Variants in LDAH observed in about 807,000 individuals in gnomAD.
LDAH encodes the protein lipid droplet-associated hydrolase.
Under a neutral mutation model 29.6 loss-of-function variants are expected in LDAH, and 26 were observed. The ratio of observed to expected loss-of-function variants is 0.88; its 90% confidence interval spans 0.64 to 1.22. The LOEUF (loss-of-function observed/expected upper bound fraction) is 1.22, where lower values mean the gene tolerates loss of function less well. Ranked by LOEUF, LDAH falls within the 50% of genes most tolerant of loss-of-function variation. The pLI, the probability that LDAH is intolerant of heterozygous loss-of-function variation, is 0.00. For missense variants in LDAH, 344 were observed against 387.3 expected, an observed-to-expected ratio of 0.89 and a Z score of 0.94; for synonymous variants, 117 against 133.0, an observed-to-expected ratio of 0.88 and a Z score of 0.83.
intron 3 of LDAH, among the ~76,000 whole-genome samples, chr2:20,780,446 T>C (rs867435727): frequency 1.3e-5 from 2 of 152,094 alleles, no homozygotes; most frequent in Non-Finnish European, 2.9e-5. Flanking sequence ...TTACTTTTTA[T>C]TGTAAAGTGA....
chr2:20,814,229 T>A (rs1168175764), intron 1 of LDAH, among the ~76,000 whole-genome samples: 1 of 132,328 alleles, frequency 7.6e-6, no homozygotes, highest in African/African-American at 2.7e-5. Context: ...AGTCTGACAA[T>A]GGGGGGGGGG....
intron 4 of LDAH, among the ~76,000 whole-genome samples, chr2:20,743,239 C>G (rs1388665070): frequency 6.7e-6 from 1 of 149,124 alleles, no homozygotes; most frequent in Non-Finnish European, 1.5e-5. Context: ...GTCAGTTATA[C>G]TTAAAAAAAA....
chr2:20,815,783 C>T (rs1350876390), intron 1 of LDAH, among the ~76,000 whole-genome samples: 1 of 151,890 alleles, frequency 6.6e-6, no homozygotes, highest in African/African-American at 2.4e-5. Context: ...AAAAGTTCCT[C>T]AAACAAAAAG....
intron 5 of LDAH, among the ~76,000 whole-genome samples, chr2:20,728,852 A>T (rs1666204508): frequency 6.6e-6 from 1 of 152,208 alleles, no homozygotes; most frequent in African/African-American, 2.4e-5. Flanking sequence ...AGTAGTAGTT[A>T]TTTGGCTATC....
chr2:20,726,021 C>T (rs914038354), intron 5 of LDAH, among the ~76,000 whole-genome samples: 1 of 152,178 alleles, frequency 6.6e-6, no homozygotes, highest in Non-Finnish European at 1.5e-5. Context: ...AAAATAGATC[C>T]CTATCTGTTT....
Position 20,684,245 on chromosome 2 carries a change from G to A in LDAH, c.*2658C>T, listed in dbSNP as rs372678584. On this transcript the variant is annotated 3_prime_UTR_variant, in exon 7 of 7. Coordinates refer to ENST00000237822, the MANE Select transcript of LDAH (RefSeq NM_021925.4). ...CACTGAAATCAGAAAATTAACAGTG[G>A]CATCTTACTCCCAGCTAATCTTCAG... is the stretch of plus-strand genomic sequence containing the variant. 3 of 152,086 alleles carry A rather than the reference G, an allele frequency of 2.0e-5. No individual in the cohort carries two copies. The highest frequency in any genetic ancestry group is 3.8e-4 in the East Asian group (2 of 5,200). 9.4% of individuals were successfully genotyped at this position (152,086 alleles called of 1,614,324 possible). A position where few individuals can be genotyped will look rare whatever the true frequency, so the allele number is the denominator to read the frequency against.
intron 5 of LDAH, among the ~76,000 whole-genome samples, chr2:20,705,910 G>A (rs1664271856): frequency 6.6e-6 from 1 of 152,192 alleles, no homozygotes; most frequent in South Asian, 2.1e-4. Flanking sequence ...ACATTCTAGA[G>A]TAGTGCTATG....
intron 3 of LDAH, among the ~76,000 whole-genome samples, chr2:20,790,015 T>C (rs1670835032): frequency 6.6e-6 from 1 of 152,208 alleles, no homozygotes; most frequent in African/African-American, 2.4e-5. Context: ...ACACAGTTGA[T>C]TACTAATTGG....
chr2:20,779,726 T>C (rs1670056213), intron 3 of LDAH, among the ~76,000 whole-genome samples: 1 of 152,172 alleles, frequency 6.6e-6, no homozygotes, highest in African/African-American at 2.4e-5. Context: ...TAACTGTCAA[T>C]TGTGAGTAAT....
chr2:20,772,461 A>T (rs891753758), intron 4 of LDAH, among the ~76,000 whole-genome samples: 3 of 152,226 alleles, frequency 2.0e-5, no homozygotes, highest in African/African-American at 7.2e-5. Flanking sequence ...ATTTATGTAC[A>T]TCCTATGTCC....
intron 5 of LDAH, among the ~76,000 whole-genome samples, chr2:20,705,598 T>C (rs924466043): frequency 2.6e-5 from 4 of 152,192 alleles, no homozygotes; most frequent in Admixed American, 2.6e-4. Flanking sequence ...TTTGTATTAT[T>C]TTCTAAGAGA....
intron 4 of LDAH, among the ~76,000 whole-genome samples, chr2:20,754,122 C>T (rs1210707188): frequency 1.3e-5 from 2 of 152,024 alleles, no homozygotes; most frequent in South Asian, 2.1e-4. Context: ...GAGAAAATTT[C>T]GTTGAAGAGG....
intron 5 of LDAH, among the ~76,000 whole-genome samples, chr2:20,724,526 A>G (rs529711552): frequency 1.4e-4 from 21 of 152,258 alleles, no homozygotes; most frequent in African/African-American, 4.3e-4. Context: ...CGGGGTGGGG[A>G]GGAAGTGGTC....
At chr2:20,755,160 T>C (rs887811855) in intron 4 of LDAH, among the ~76,000 whole-genome samples, 1 of 151,224 alleles carries the variant, frequency 6.6e-6, no homozygotes, top group Non-Finnish European at 1.5e-5. Context: ...TGTGTGTGTG[T>C]GTGTGTAGGG....
intron 5 of LDAH, among the ~76,000 whole-genome samples, chr2:20,704,435 A>G (rs1352103792): frequency 6.6e-6 from 1 of 152,222 alleles, no homozygotes; most frequent in Non-Finnish European, 1.5e-5. Context: ...CAGAGATTTG[A>G]TTAATACATT....
intron 1 of LDAH, among the ~76,000 whole-genome samples, chr2:20,806,370 T>C (rs1298110307): frequency 6.6e-6 from 1 of 152,160 alleles, no homozygotes; most frequent in African/African-American, 2.4e-5. Context: ...AGCATATACT[T>C]TGCATGTGTC....
At chr2:20,772,081 C>T (rs1669473056) in intron 4 of LDAH, among the ~76,000 whole-genome samples, 1 of 152,178 alleles carries the variant, frequency 6.6e-6, no homozygotes, top group Non-Finnish European at 1.5e-5. Context: ...TCTTTCCCAA[C>T]AGACATTGTG....
chr2:20,695,107 G>C (rs916228364), intron 6 of LDAH, among the ~76,000 whole-genome samples: 1 of 152,258 alleles, frequency 6.6e-6, no homozygotes, highest in Admixed American at 6.5e-5. Flanking sequence ...CAGTTCATCA[G>C]ACTTCTCTGG....
chr2:20,711,357 C>A (rs1292183656), intron 5 of LDAH, among the ~76,000 whole-genome samples: 2 of 151,428 alleles, frequency 1.3e-5, no homozygotes, highest in African/African-American at 4.9e-5. Flanking sequence ...TGCACTCTAG[C>A]CTCGGCGACA....
Sources: gnomAD v4.1 joint callset for allele counts (sites outside exome capture counted in the v4.1 genomes callset) on GRCh38, gnomAD v4.1.1 for gene constraint, MANE v1.5 for transcripts, NCBI Gene and HGNC (gene_info 2026-07-23, HGNC 2026-07-21) for gene names.